Variants in PRKAR1A observed in about 807,000 individuals in gnomAD.
PRKAR1A encodes the protein cAMP-dependent protein kinase type I-alpha regulatory subunit.
PRKAR1A carries 3 observed loss-of-function variants against 52.0 expected under a neutral mutation model. That is an observed-to-expected ratio of 0.06 (90% CI 0.03 to 0.15). The LOEUF is 0.15. PRKAR1A is among the 10% of genes least tolerant of loss of function. The pLI, the probability that PRKAR1A is intolerant of heterozygous loss-of-function variation, is 1.00. For synonymous variants in PRKAR1A, 188 were observed against 168.4 expected, an observed-to-expected ratio of 1.12 and a Z score of -0.90; for missense variants, 240 against 477.4, an observed-to-expected ratio of 0.50 and a Z score of 4.63.
At chr17:68,515,315 ATG>A (rs2085395049) in intron 1 of PRKAR1A, 77 bp from the exon 2 acceptor site, 1 of 1,528,104 alleles carries the variant, frequency 6.5e-7, no homozygotes, top group Non-Finnish European at 8.9e-7. Flanking sequence ...CAGTTGTCTA[ATG>A]AATTTAGCAA....
the PRKAR1A span, among the ~76,000 whole-genome samples, chr17:68,505,950 C>A: frequency 6.6e-6 from 1 of 152,208 alleles, no homozygotes; most frequent in African/African-American, 2.4e-5. Context: ...TCTGTATTTT[C>A]TGCCAATTTT....
chr17:68,498,433 C>T, the PRKAR1A span, among the ~76,000 whole-genome samples: 2 of 152,126 alleles, frequency 1.3e-5, no homozygotes, highest in African/African-American at 4.8e-5. Context: ...GCCCCTGGGT[C>T]GTTTTGTGAA....
At chr17:68,527,688 T>A (rs1448833971) in intron 7 of PRKAR1A, 152 bp from the exon 8 acceptor site, 1 of 623,454 alleles carries the variant, frequency 1.6e-6, no homozygotes. Flanking sequence ...TAAAAATGAA[T>A]TAGTTAAAAT....
chr17:68,426,014 G>A, the PRKAR1A span: 5 of 1,364,902 alleles, frequency 3.7e-6, no homozygotes, highest in Admixed American at 5.1e-5. Context: ...CTCGTATGAG[G>A]CGAAGGTTTC....
At chr17:68,491,230 T>A in the PRKAR1A span, among the ~76,000 whole-genome samples, 1 of 152,068 alleles carries the variant, frequency 6.6e-6, no homozygotes, top group Non-Finnish European at 1.5e-5. Context: ...TAGCTTGGAT[T>A]ACAGGCATGT....
At chr17:68,414,225 A>G in the PRKAR1A span, 1 of 152,198 alleles carries the variant, frequency 6.6e-6, no homozygotes, top group African/African-American at 2.4e-5. Flanking sequence ...TTAATCATAA[A>G]GCGATGCTGG....
the PRKAR1A span, chr17:68,430,023 C>A: frequency 1.9e-6 from 3 of 1,614,066 alleles, no homozygotes; most frequent in Middle Eastern, 3.3e-4. Context: ...GTTCCTCTGT[C>A]CGGAGAAGTT....
In PRKAR1A at chr17:68,549,392, G is replaced by T. The variant is rs184772860; in HGVS notation, c.974-1692G>T. 1.1e-3 allele frequency among the ~76,000 whole-genome samples: 172 copies of T among 152,114 alleles called. 1 individual carries two copies. The highest frequency in any genetic ancestry group is 4.0e-3 in the African/African-American group (167 of 41,498). On this transcript the variant is annotated intron_variant, in intron 11 of 11. Coordinates refer to the PRKAR1A transcript ENST00000585981. ...ATCTATAATCCCAGCTACTTGGGAG[G>T]CTGAGGCAGGATAATTGCTTGAACC...
Position 68,548,725 on chromosome 17 carries a change from ATTTTTTT to A in PRKAR1A, c.974-2340_974-2334del, listed in dbSNP as rs753348891. Among the ~76,000 whole-genome samples the A allele has an allele frequency of 1.9e-4, 15 of 79,180 alleles. No homozygotes were observed. In the South Asian group the frequency reaches 6.5e-3, roughly 34 times the overall value. 51.9% of individuals were successfully genotyped at this position (79,180 alleles called of 152,430 possible). A position where few individuals can be genotyped will look rare whatever the true frequency, so the allele number is the denominator to read the frequency against. On this transcript the variant is annotated intron_variant, in intron 11 of 11. Coordinates refer to the PRKAR1A transcript ENST00000585981. ...CAGATACAGCGAGCTATGCCTGTAT[ATTTTTTT>A]TTTTTTTTTTTTTTTTTTGAGACAG...
chr17:68,433,625 T>C, the PRKAR1A span: 13 of 1,480,894 alleles, frequency 8.8e-6, no homozygotes, highest in African/African-American at 5.5e-5. Context: ...ATGGGAGTTA[T>C]GGCCTTATAA....
chr17:68,452,544 G>A, the PRKAR1A span, among the ~76,000 whole-genome samples: 11 of 152,276 alleles, frequency 7.2e-5, no homozygotes, highest in East Asian at 2.1e-3. Context: ...CAGCCTGGGT[G>A]ATAGAGCAAG....
At chr17:68,420,322 G>C in the PRKAR1A span, 1 of 1,614,138 alleles carries the variant, frequency 6.2e-7, no homozygotes, top group Non-Finnish European at 8.5e-7. Flanking sequence ...AGGCTGTGCT[G>C]CCCGAGGTCA....
rs1031270550 is a variant in PRKAR1A at position 68,530,796 on chromosome 17, ATTT to A, written c.*355_*357del. 8.6e-7 allele frequency: 1 copy of A among 1,164,072 alleles called. No homozygotes were observed. The highest frequency in any genetic ancestry group is 1.6e-5 in the African/African-American group (1 of 63,498). 72.1% of individuals were successfully genotyped at this position (1,164,072 alleles called of 1,614,324 possible). The stretch of plus-strand genomic sequence containing the variant: ...TAGAGTAATGATGTAACAGTGCAAG[ATTT>A]TTTTTTTAAGTGACATAATTGTCCA... On this transcript the variant is annotated 3_prime_UTR_variant, in exon 11 of 11. Coordinates refer to ENST00000589228, the MANE Select transcript of PRKAR1A (RefSeq NM_002734.5).
chr17:68,471,184 G>T, the PRKAR1A span, among the ~76,000 whole-genome samples: 1 of 152,140 alleles, frequency 6.6e-6, no homozygotes, highest in Non-Finnish European at 1.5e-5. Context: ...CAGGGTGGTT[G>T]CATTAATTGC....
the PRKAR1A span, among the ~76,000 whole-genome samples, chr17:68,417,237 C>G: frequency 6.6e-6 from 1 of 152,134 alleles, no homozygotes; most frequent in Non-Finnish European, 1.5e-5. Flanking sequence ...ATCCCCCTAC[C>G]CTTAGGTCAG....
intron 1 of PRKAR1A, among the ~76,000 whole-genome samples, chr17:68,514,604 C>T (rs1346601663): frequency 6.6e-6 from 1 of 152,160 alleles, no homozygotes; most frequent in Middle Eastern, 3.2e-3. Context: ...TCTATTGAAT[C>T]TTCATGCAAG....
chr17:68,413,692 G>A, the PRKAR1A span: 3 of 158,278 alleles, frequency 1.9e-5, no homozygotes, highest in South Asian at 2.0e-4. Context: ...CCTGGGCAAT[G>A]GCAGGCGCCC....
the PRKAR1A span, among the ~76,000 whole-genome samples, chr17:68,442,874 G>A: frequency 6.6e-6 from 1 of 152,154 alleles, no homozygotes. Flanking sequence ...ACTAGATTTT[G>A]GGCTCCTGGT....
At chr17:68,537,896 G>A (rs984185355), downstream of PRKAR1A, among the ~76,000 whole-genome samples, 1 of 152,112 alleles carries the variant, frequency 6.6e-6, no homozygotes, top group African/African-American at 2.4e-5. The surrounding 1 kb of genome is among the most constrained non-coding windows in gnomAD (Gnocchi z 4.2). Context: ...GGTAAAAAGG[G>A]AACAAATGAA....
Sources: gnomAD v4.1 joint callset for allele counts (sites outside exome capture counted in the v4.1 genomes callset) on GRCh38, gnomAD v4.1.1 for gene constraint, Gnocchi (gnomAD v3.1) non-coding constraint, MANE v1.5 for transcripts, NCBI Gene and HGNC (gene_info 2026-07-23, HGNC 2026-07-21) for gene names.